MDGA2: variants seen among roughly 807,000 people sequenced by gnomAD.
The protein encoded by MDGA2 is MAM domain containing glycosylphosphatidylinositol anchor 2.
A neutral mutation model predicts 117.8 loss-of-function variants in MDGA2; 40 were observed. The ratio of observed to expected loss-of-function variants is 0.34; its 90% CI spans 0.26 to 0.44. The LOEUF (loss-of-function observed/expected upper bound fraction) is 0.44, where lower values mean the gene tolerates loss of function less well. MDGA2 is among the 20% of genes least tolerant of loss of function. The pLI is 1.00. For missense variants in MDGA2, 1,123 were observed against 1,250.6 expected (o/e 0.90, Z 1.54); for synonymous variants, 452 against 439.0 (o/e 1.03, Z -0.37).
chr14:47,327,877 A>G (rs1890187570), intron 1 of MDGA2, among the ~76,000 whole-genome samples: 1 of 152,186 alleles, frequency 6.6e-6, no homozygotes, highest in South Asian at 2.1e-4. Context: ...GAATACCAAG[A>G]GTTCACATAT....
chr14:47,462,541 C>T (rs933761835), intron 1 of MDGA2, among the ~76,000 whole-genome samples: 2 of 152,106 alleles, frequency 1.3e-5, no homozygotes, highest in African/African-American at 4.8e-5. Flanking sequence ...TAACAATTGC[C>T]TTAGGTATTT....
At chr14:47,357,212 A>G (rs573602239) in intron 1 of MDGA2, among the ~76,000 whole-genome samples, 64 of 152,344 alleles carry the variant, frequency 4.2e-4, no homozygotes, top group Non-Finnish European at 8.4e-4. Context: ...ATAATAGTCC[A>G]TAACGAAACC....
intron 4 of MDGA2, among the ~76,000 whole-genome samples, chr14:47,134,507 T>C (rs1164255302): frequency 6.6e-6 from 1 of 151,994 alleles, no homozygotes; most frequent in Non-Finnish European, 1.5e-5. Flanking sequence ...ACTCTAGTAA[T>C]GATTTATCTA....
chr14:47,255,515 C>T (rs1887589124), intron 2 of MDGA2, among the ~76,000 whole-genome samples: 1 of 152,164 alleles, frequency 6.6e-6, no homozygotes, highest in Non-Finnish European at 1.5e-5. Flanking sequence ...AGAAGCTTTT[C>T]AAAATTTATA....
intron 1 of MDGA2, among the ~76,000 whole-genome samples, chr14:47,340,756 G>A (rs981422844): frequency 4.6e-5 from 7 of 152,084 alleles, no homozygotes; most frequent in African/African-American, 1.2e-4. Flanking sequence ...TCATAAATCT[G>A]GACTCAGTCT....
At chr14:47,206,244 T>C (rs1314699757) in intron 3 of MDGA2, among the ~76,000 whole-genome samples, 1 of 152,012 alleles carries the variant, frequency 6.6e-6, no homozygotes, top group Non-Finnish European at 1.5e-5. Flanking sequence ...AAGAACACAA[T>C]GTTTAAGCAG....
chr14:47,642,461 G>T (rs981176520), intron 1 of MDGA2, among the ~76,000 whole-genome samples: 2 of 151,990 alleles, frequency 1.3e-5, no homozygotes, highest in Non-Finnish European at 2.9e-5. Context: ...CCAAAAGAGG[G>T]CTTCGAGAGA....
chr14:47,166,380 A>T (rs1041121472), intron 3 of MDGA2, among the ~76,000 whole-genome samples: 5 of 152,168 alleles, frequency 3.3e-5, no homozygotes, highest in Non-Finnish European at 7.3e-5. Context: ...AACTTTCAAA[A>T]GATTTAATAC....
At chr14:46,910,257 A>G (rs1883647729) in intron 10 of MDGA2, among the ~76,000 whole-genome samples, 1 of 152,014 alleles carries the variant, frequency 6.6e-6, no homozygotes, top group African/African-American at 2.4e-5. Flanking sequence ...CAAATCCTCC[A>G]GATTTTGCCA....
chr14:47,032,537 A>T (rs969284044), intron 8 of MDGA2, among the ~76,000 whole-genome samples: 2 of 152,178 alleles, frequency 1.3e-5, no homozygotes, highest in Non-Finnish European at 2.9e-5. Context: ...AGCTGCAGTA[A>T]GCTATGATCG....
chr14:47,236,744 T>G (rs1886878721), intron 2 of MDGA2, among the ~76,000 whole-genome samples: 1 of 152,168 alleles, frequency 6.6e-6, no homozygotes, highest in Non-Finnish European at 1.5e-5. Context: ...TCAACTAGTT[T>G]GAAAATGTCC....
intron 8 of MDGA2, among the ~76,000 whole-genome samples, chr14:46,979,207 C>T (rs1043972864): frequency 5.3e-5 from 8 of 151,826 alleles, no homozygotes; most frequent in Non-Finnish European, 8.8e-5. Flanking sequence ...TTTGGAATAC[C>T]GGGAACTGCG....
rs1555332245 is a variant in MDGA2, at chr14:47,561,149, T to TTG, written c.280+113367_280+113368insCA. 2.1e-4 allele frequency among the ~76,000 whole-genome samples: 21 copies of TTG among 101,562 alleles called. 2 individuals carry two copies. Among genetic ancestry groups the TTG allele is most frequent in the Admixed American group, 1.2e-3 (12 of 9,610 alleles). The allele number at this position is 101,562 out of a possible 152,430, so 66.6% of individuals were successfully genotyped here. Reference sequence around the variant, plus strand: ...ATGATACCTCTATCTTTGTTTTTTTTTTTGTTTTGTTTTGTTTTTTTGTTT... The same window carrying TTG: ...ATGATACCTCTATCTTTGTTTTTTTTTGTTTGTTTTGTTTTGTTTTTTTGTTT... On this transcript the variant is annotated intron_variant, in intron 1 of 16. Transcript: ENST00000399232.
chr14:47,511,663 T>G (rs1894643661), intron 1 of MDGA2, among the ~76,000 whole-genome samples: 2 of 152,316 alleles, frequency 1.3e-5, no homozygotes, highest in South Asian at 2.1e-4. Flanking sequence ...GTATAAAAAT[T>G]GTTTCGTTCA....
At chr14:47,264,168 TTC>T (rs1887888307) in intron 2 of MDGA2, among the ~76,000 whole-genome samples, 1 of 152,182 alleles carries the variant, frequency 6.6e-6, no homozygotes, top group African/African-American at 2.4e-5. Context: ...ATATTTGTAC[TTC>T]TGAGACCCAT....
At chr14:46,906,284 AAATAATAAT>A (rs146392453) in intron 10 of MDGA2, among the ~76,000 whole-genome samples, 2 of 151,078 alleles carry the variant, frequency 1.3e-5, no homozygotes, top group African/African-American at 4.9e-5. Flanking sequence ...TGAGTCCTTA[AAATAATAAT>A]AATAATAATA....
chr14:47,571,726 G>A (rs562906808), intron 1 of MDGA2, among the ~76,000 whole-genome samples: 27 of 150,662 alleles, frequency 1.8e-4, no homozygotes, highest in East Asian at 1.4e-3. Context: ...GACATAAGGC[G>A]GGGAACATCA....
chr14:47,482,408 A>C (rs1486408725), intron 1 of MDGA2, among the ~76,000 whole-genome samples: 1 of 152,110 alleles, frequency 6.6e-6, no homozygotes, highest in Non-Finnish European at 1.5e-5. Flanking sequence ...TGGAGGAAAC[A>C]CCAAACGGAA....
intron 1 of MDGA2, among the ~76,000 whole-genome samples, chr14:47,498,206 C>G (rs986172546): frequency 6.6e-6 from 1 of 152,102 alleles, no homozygotes; most frequent in East Asian, 1.9e-4. Flanking sequence ...AGTTATAAAT[C>G]TCTAACTTTT....
Sources: allele counts gnomAD v4.1 joint callset (sites outside exome capture counted in the v4.1 genomes callset), GRCh38; gene constraint gnomAD v4.1.1; transcripts MANE v1.5; gene names NCBI Gene and HGNC (gene_info 2026-07-23, HGNC 2026-07-21).